SPAG1: variants seen among roughly 807,000 people sequenced by gnomAD.
SPAG1 encodes the protein sperm associated antigen 1.
In SPAG1, 69 loss-of-function variants were observed where a neutral mutation model predicts 100.5. The observed-to-expected ratio is 0.69, with a 90% CI of 0.57 to 0.84. The LOEUF is 0.84. Ranked by LOEUF, SPAG1 falls within the 40% of genes least tolerant of loss-of-function variation. SPAG1 has a pLI of 0.00. For synonymous variants in SPAG1, 336 were observed against 411.6 expected, an observed-to-expected ratio of 0.82 and a Z score of 2.22; for missense variants, 955 against 1,133.1, an observed-to-expected ratio of 0.84 and a Z score of 2.26.
At chr8:100,199,628 G>A (rs1817182037) in intron 10 of SPAG1, among the ~76,000 whole-genome samples, 1 of 152,094 alleles carries the variant, frequency 6.6e-6, no homozygotes, top group African/African-American at 2.4e-5. Context: ...TGTATTTTTA[G>A]TAGAGATGGA....
At chr8:100,209,306 A>ATG (rs957682432) in intron 10 of SPAG1, among the ~76,000 whole-genome samples, 1 of 147,540 alleles carries the variant, frequency 6.8e-6, no homozygotes, top group South Asian at 2.1e-4. Context: ...TTATATACAT[A>ATG]TATATATATA....
intron 3 of SPAG1, among the ~76,000 whole-genome samples, chr8:100,170,834 TTTA>T (rs772075528): frequency 0.27 from 40,773 of 149,860 alleles, 6,692 homozygotes; most frequent in East Asian, 0.5. Context: ...TATTTATTTA[TTTA>T]TTTATTTATT....
intron 15 of SPAG1, among the ~76,000 whole-genome samples, chr8:100,232,765 A>G (rs535847555): frequency 1.6e-4 from 25 of 152,264 alleles, no homozygotes; most frequent in Non-Finnish European, 2.6e-4. Context: ...AAAACCCTTC[A>G]TCGGACTTCC....
intron 14 of SPAG1, 89 bp from the exon 15 acceptor site, chr8:100,231,067 G>T: frequency 8.6e-7 from 1 of 1,169,352 alleles, no homozygotes; most frequent in Non-Finnish European, 1.2e-6. Context: ...AAGTTAATTT[G>T]CAATAGAAGA....
At chr8:100,204,832 C>T (rs993356841) in intron 10 of SPAG1, among the ~76,000 whole-genome samples, 2 of 152,180 alleles carry the variant, frequency 1.3e-5, no homozygotes, top group Non-Finnish European at 2.9e-5. Context: ...ACTGCAGTCA[C>T]TCACCTACAA....
At chr8:100,213,486 T>G (rs1586497516) in intron 11 of SPAG1, 58 bp downstream of exon 11, 1 of 1,299,570 alleles carries the variant, frequency 7.7e-7, no homozygotes, top group African/African-American at 1.6e-5. Context: ...TCACCCGACC[T>G]CCGGGGCCCC....
rs753105697 is a variant in SPAG1 at position 100,239,205 on chromosome 8, T to C, written c.2116-35T>C. The C allele has an allele frequency of 2.2e-6, 3 of 1,392,686 alleles. No homozygotes were observed. In the South Asian group the frequency reaches 4.3e-5, roughly 20 times the overall value. The allele number at this position is 1,392,686 out of a possible 1,614,324, so 86.3% of individuals were successfully genotyped here. A position where few individuals can be genotyped will look rare whatever the true frequency, so the allele number is the denominator to read the frequency against. ...CAGGTTACTCTAGGCTCCTTCTATT[T>C]ATGAAAGTTATTTTCTCTGTCTTCC... On this transcript the variant is annotated intron_variant, in intron 16 of 18. Coordinates refer to ENST00000388798, the MANE Select transcript of SPAG1 (RefSeq NM_003114.5). This position sits in a 1 kb window ranked among gnomAD's most constrained non-coding sequence, Gnocchi z 5.0.
In SPAG1 at chr8:100,236,520, T is replaced by C. The variant is rs565797256; in HGVS notation, c.2116-2720T>C. Among the ~76,000 whole-genome samples, 13 of 152,282 alleles carry C rather than the reference T, an allele frequency of 8.5e-5. No homozygotes were observed. The East Asian group carries it at 2.3e-3, about 27-fold the overall frequency. ...CACGCCCAGGCCTGTTTGCCCAGGG[T>C]GACTGCAATGAGGAAGTGGCACAGG... On this transcript the variant is annotated intron_variant, in intron 16 of 18. Coordinates refer to ENST00000388798, the MANE Select transcript of SPAG1 (RefSeq NM_003114.5).
chr8:100,221,026 T>C (rs1159893634), intron 13 of SPAG1, among the ~76,000 whole-genome samples: 1 of 151,290 alleles, frequency 6.6e-6, no homozygotes, highest in Non-Finnish European at 1.5e-5. Flanking sequence ...TGAGCTGAGA[T>C]CATACCACTG....
chr8:100,225,116 T>A, intron 13 of SPAG1, 57 bp from the exon 14 acceptor site: 1 of 1,414,392 alleles, frequency 7.1e-7, no homozygotes, highest in Non-Finnish European at 9.9e-7. Flanking sequence ...AATCTGACCT[T>A]CAGTAATATA....
chr8:100,171,643 A>G (rs1390655379), intron 3 of SPAG1, among the ~76,000 whole-genome samples: 1 of 152,116 alleles, frequency 6.6e-6, no homozygotes, highest in East Asian at 1.9e-4. Context: ...TGTCTGCTGA[A>G]TTCAGCAAGA....
At chr8:100,180,602 T>A (rs1464384426) in intron 4 of SPAG1, among the ~76,000 whole-genome samples, 1 of 152,210 alleles carries the variant, frequency 6.6e-6, no homozygotes, top group East Asian at 1.9e-4. Context: ...CTGGTTTTTA[T>A]AAGGTAGCTT....
chr8:100,174,422 G>A lies in SPAG1; in HGVS notation c.301-3394G>A, dbSNP rs540314302. The stretch of plus-strand genomic sequence containing the variant: ...GGAGGAGGAAGCATAGGAGGTGTTG[G>A]TTTTGCTGTCTCAAGGGTAGCAGAG... On this transcript the variant is annotated intron_variant, in intron 3 of 18. Coordinates refer to ENST00000388798, the MANE Select transcript of SPAG1 (RefSeq NM_003114.5). 4.6e-5 allele frequency among the ~76,000 whole-genome samples: 7 copies of A among 152,300 alleles called. No individual in the cohort carries two copies. In the East Asian group the frequency reaches 1.3e-3, roughly 29 times the overall value.
intron 10 of SPAG1, among the ~76,000 whole-genome samples, chr8:100,195,426 A>G (rs1023436712): frequency 7.2e-5 from 11 of 152,326 alleles, no homozygotes; most frequent in Admixed American, 2.6e-4. Flanking sequence ...TATACACTTC[A>G]GATTAAAATA....
chr8:100,225,478 T>C (rs1200295997), intron 14 of SPAG1, 139 bp downstream of exon 14: 1 of 765,390 alleles, frequency 1.3e-6, no homozygotes, highest in East Asian at 2.8e-5. Flanking sequence ...CCCTATTTTA[T>C]TATTATTTTG....
At chr8:100,169,772 A>G (rs1172184332) in intron 3 of SPAG1, among the ~76,000 whole-genome samples, 5 of 152,018 alleles carry the variant, frequency 3.3e-5, no homozygotes, top group Non-Finnish European at 7.4e-5. Flanking sequence ...GTGTGGGTCT[A>G]TTTCTGACTC....
At chr8:100,192,133 A>G (rs1816843315) in intron 9 of SPAG1, among the ~76,000 whole-genome samples, 1 of 151,718 alleles carries the variant, frequency 6.6e-6, no homozygotes, top group Non-Finnish European at 1.5e-5. Context: ...TGGATGTTGC[A>G]CACTCAATGG....
At position 100,161,686 on chromosome 8, in the gene SPAG1, A is replaced by G. The variant is rs138615879; in HGVS notation, c.-2-593A>G. Among the ~76,000 whole-genome samples, 999 of 152,316 alleles carry G rather than the reference A, an allele frequency of 6.6e-3. 6 individuals are homozygous for G. Among genetic ancestry groups the G allele is most frequent in the African/African-American group, 0.023 (939 of 41,564 alleles). On this transcript the variant is annotated intron_variant, in intron 1 of 18. Coordinates refer to ENST00000388798, the MANE Select transcript of SPAG1 (RefSeq NM_003114.5). ...TGAAGGAACTCCCCAAACCTCTGTG[A>G]TTTAGCAGGAGACAAGATAAGGGTA...
Position 100,239,086 on chromosome 8 carries a change from C to T in SPAG1, c.2116-154C>T, listed in dbSNP as rs1358336478. On this transcript the variant is annotated intron_variant, in intron 16 of 18. Coordinates refer to ENST00000388798, the MANE Select transcript of SPAG1 (RefSeq NM_003114.5). The surrounding 1 kb of genome is among the most constrained non-coding windows in gnomAD (Gnocchi z 5.0). ...ATCATGGGTTATACTATTTCAGCTG[C>T]ATATTCACCCCACAGGCTCACTTTG... Among the ~76,000 whole-genome samples, 1 of 152,158 alleles carries T rather than the reference C, an allele frequency of 6.6e-6. No individual in the cohort carries two copies. The highest frequency in any genetic ancestry group is 2.4e-5 in the African/African-American group (1 of 41,424).
Sources: gnomAD v4.1 joint callset for allele counts (sites outside exome capture counted in the v4.1 genomes callset) on GRCh38, gnomAD v4.1.1 for gene constraint, Gnocchi (gnomAD v3.1) non-coding constraint, MANE v1.5 for transcripts, NCBI Gene and HGNC (gene_info 2026-07-23, HGNC 2026-07-21) for gene names.